Variants in MBNL2 observed in about 807,000 individuals in gnomAD.
MBNL2 encodes the protein muscleblind-like protein 2.
Under a neutral mutation model 41.9 loss-of-function variants are expected in MBNL2, and 17 were observed. The ratio of observed to expected loss-of-function variants is 0.41; its 90% CI spans 0.28 to 0.61. The LOEUF (loss-of-function observed/expected upper bound fraction) is 0.61, where lower values mean the gene tolerates loss of function less well. Among genes scored for constraint, MBNL2 ranks in the 20% least tolerant of loss-of-function variants. MBNL2 has a pLI of 0.35. For synonymous variants in MBNL2, 195 were observed against 182.9 expected, an observed-to-expected ratio of 1.07 and a Z score of -0.53; for missense variants, 336 against 505.6, an observed-to-expected ratio of 0.66 and a Z score of 3.22.
chr13:97,259,711 T>G (rs1264115511), intron 1 of MBNL2, among the ~76,000 whole-genome samples: 1 of 152,186 alleles, frequency 6.6e-6, no homozygotes, highest in Non-Finnish European at 1.5e-5. Flanking sequence ...AGGACAGAAG[T>G]GGCTCTAGAA....
At chr13:97,166,387 AG>A in the MBNL2 span, among the ~76,000 whole-genome samples, 4 of 152,294 alleles carry the variant, frequency 2.6e-5, no homozygotes, top group East Asian at 7.7e-4. Context: ...CAGAGTGAGA[AG>A]ACACATGTGA....
At position 97,343,097 on chromosome 13, in the gene MBNL2, G is replaced by A. The variant is rs1336590203; in HGVS notation, c.421G>A (p.Val141Ile). The A allele has an allele frequency of 1.9e-6, 3 of 1,613,900 alleles. No homozygotes were observed. The highest frequency in any genetic ancestry group is 2.2e-5 in the South Asian group (2 of 91,080). ...TTACCTAGCACCTGTAACCCCTGGA[G>A]TTGGGTTGGTCCCAACGGAAATTCT... ...APYLAPVTPG[V>I]GLVPTEILPT... The change falls in exon 4 of 9, where the codon GTT becomes ATT. Residue 141 changes from valine (V) to isoleucine (I), a missense_variant. Transcript: ENST00000679496.
the MBNL2 span, among the ~76,000 whole-genome samples, chr13:97,175,234 C>T: frequency 6.6e-6 from 1 of 152,184 alleles, no homozygotes; most frequent in Admixed American, 6.5e-5. Flanking sequence ...CCTTCCTTCT[C>T]TCCTCTCACA....
chr13:97,375,764 T>G (rs11843522), intron 8 of MBNL2, among the ~76,000 whole-genome samples: 14,721 of 152,236 alleles, frequency 0.097, 831 homozygotes, highest in East Asian at 0.19. Context: ...CGATAGCATG[T>G]GTGGTTTAGA....
chr13:97,191,336 C>G, the MBNL2 span, among the ~76,000 whole-genome samples: 1 of 149,574 alleles, frequency 6.7e-6, no homozygotes, highest in South Asian at 2.2e-4. Flanking sequence ...GGGATTCAAG[C>G]TGCGAGGCAG....
At chr13:97,290,116 G>C (rs2055524573) in intron 2 of MBNL2, among the ~76,000 whole-genome samples, 1 of 152,078 alleles carries the variant, frequency 6.6e-6, no homozygotes, top group Non-Finnish European at 1.5e-5. Context: ...TTCTGGTTTG[G>C]AGCCACCCAA....
chr13:97,196,531 C>T, the MBNL2 span, among the ~76,000 whole-genome samples: 1 of 152,088 alleles, frequency 6.6e-6, no homozygotes, highest in Admixed American at 6.6e-5. Context: ...GCCATTATCA[C>T]CTTTAGGTCT....
At chr13:97,265,428 T>C (rs1219517813) in intron 1 of MBNL2, among the ~76,000 whole-genome samples, 4 of 152,168 alleles carry the variant, frequency 2.6e-5, no homozygotes, top group East Asian at 1.9e-4. Flanking sequence ...AAAATGAAGA[T>C]ATCATTGTCA....
chr13:97,144,963 C>A, the MBNL2 span, among the ~76,000 whole-genome samples: 2 of 152,206 alleles, frequency 1.3e-5, no homozygotes, highest in African/African-American at 2.4e-5. Flanking sequence ...ACCCTCTAAA[C>A]TTACAGGCAC....
chr13:97,162,074 C>T, the MBNL2 span, among the ~76,000 whole-genome samples: 1 of 152,076 alleles, frequency 6.6e-6, no homozygotes, highest in East Asian at 1.9e-4. Context: ...AGCTGACTGG[C>T]GTAGGAGGAA....
the MBNL2 span, among the ~76,000 whole-genome samples, chr13:97,159,812 C>T: frequency 6.6e-6 from 1 of 151,654 alleles, no homozygotes; most frequent in South Asian, 2.1e-4. Flanking sequence ...CGACCTTTCT[C>T]TCTGGCTGCC....
At chr13:97,347,399 G>A (rs141055166) in intron 5 of MBNL2, among the ~76,000 whole-genome samples, 70 of 152,276 alleles carry the variant, frequency 4.6e-4, no homozygotes, top group African/African-American at 1.6e-3. Context: ...GAACATGAAG[G>A]TGGGCACCGC....
At chr13:97,206,256 T>G in the MBNL2 span, among the ~76,000 whole-genome samples, 1 of 152,134 alleles carries the variant, frequency 6.6e-6, no homozygotes, top group East Asian at 1.9e-4. Context: ...TTTTTTCTTT[T>G]TTCTGTTTCC....
intron 7 of MBNL2, among the ~76,000 whole-genome samples, chr13:97,363,463 T>TGTGTGTGTGA (rs1491108869): frequency 9.7e-5 from 14 of 144,648 alleles, no homozygotes; most frequent in African/African-American, 2.8e-4. Flanking sequence ...TGTGTGTGTG[T>TGTGTGTGTGA]GATCAAAAAT....
At chr13:97,277,695 A>G (rs1308961233) in intron 2 of MBNL2, among the ~76,000 whole-genome samples, 1 of 152,206 alleles carries the variant, frequency 6.6e-6, no homozygotes, top group African/African-American at 2.4e-5. Context: ...TTTAAGGGTA[A>G]AATTTTGACA....
chr13:97,241,387 G>A (rs372758096), intron 1 of MBNL2, among the ~76,000 whole-genome samples: 5 of 152,106 alleles, frequency 3.3e-5, no homozygotes, highest in South Asian at 2.1e-4. Context: ...GAACAGAAAC[G>A]TGAAAAAAAT....
chr13:97,343,343 A>C, intron 4 of MBNL2, 127 bp downstream of exon 4: 1 of 686,868 alleles, frequency 1.5e-6, no homozygotes, highest in Non-Finnish European at 2.4e-6. Context: ...ACACAAACTC[A>C]CCTAAAACCC....
At chr13:97,228,529 C>CTT (rs5806008) in intron 1 of MBNL2, among the ~76,000 whole-genome samples, 3,341 of 128,068 alleles carry the variant, frequency 0.026, 140 homozygotes, top group Admixed American at 0.074. Context: ...TATTTATTAT[C>CTT]TTTTTTTTTT....
At chr13:97,309,482 A>G (rs2058395470) in intron 2 of MBNL2, among the ~76,000 whole-genome samples, 1 of 152,224 alleles carries the variant, frequency 6.6e-6, no homozygotes, top group Non-Finnish European at 1.5e-5. Context: ...GTGAAGAGAC[A>G]GGAAGAAGAT....
Sources: allele counts gnomAD v4.1 joint callset (sites outside exome capture counted in the v4.1 genomes callset), GRCh38; gene constraint gnomAD v4.1.1; transcripts MANE v1.5; gene names NCBI Gene and HGNC (gene_info 2026-07-23, HGNC 2026-07-21).